The following IQSEC1 variants were observed in gnomAD, a reference collection of about 807,000 sequenced individuals.
IQSEC1 encodes the protein IQ motif and Sec7 domain ArfGEF 1, also known as IQ motif and SEC7 domain-containing protein 1.
IQSEC1 carries 31 observed loss-of-function variants against 91.0 expected under a neutral mutation model. The observed-to-expected ratio is 0.34, with a 90% CI of 0.26 to 0.46. The LOEUF (loss-of-function observed/expected upper bound fraction) is 0.46. Ranked by LOEUF, IQSEC1 falls within the 20% of genes least tolerant of loss-of-function variation. IQSEC1 has a pLI of 1.00. For synonymous variants in IQSEC1, 699 were observed against 662.6 expected (o/e 1.05, Z -0.84); for missense variants, 1,388 against 1,575.6 (o/e 0.88, Z 2.02).
At chr3:13,013,285 T>TC (rs1702974332) in intron 1 of IQSEC1, among the ~76,000 whole-genome samples, 2 of 152,052 alleles carry the variant, frequency 1.3e-5, no homozygotes, top group African/African-American at 4.8e-5. Flanking sequence ...ACTTCAATGC[T>TC]CCCACACGCT....
chr3:13,153,961 A>G (rs1429138142), intron 2 of IQSEC1, among the ~76,000 whole-genome samples: 3 of 151,954 alleles, frequency 2.0e-5, no homozygotes, highest in Non-Finnish European at 4.4e-5. Flanking sequence ...GTGGGAGGGG[A>G]AGGCTGGAGT....
At chr3:13,139,164 A>C (rs984755589) in intron 2 of IQSEC1, among the ~76,000 whole-genome samples, 1 of 152,172 alleles carries the variant, frequency 6.6e-6, no homozygotes, top group Non-Finnish European at 1.5e-5. Context: ...CCATTTTAAC[A>C]ACGAGAAACT....
At position 13,259,197 on chromosome 3, in the gene IQSEC1, G is replaced by A. The variant is rs1166685226; in HGVS notation, c.272+23514C>T. On this transcript the variant is annotated intron_variant, in intron 1 of 15. Coordinates refer to the IQSEC1 transcript ENST00000648114. This position sits in a 1 kb window ranked among gnomAD's most constrained non-coding sequence, Gnocchi z 4.6. The stretch of plus-strand genomic sequence containing the variant: ...ACCTCCACCACCCTCTGCCATGCAG[G>A]CCCTGGGACGGGACAGTTTCCACTG... 1.3e-5 allele frequency among the ~76,000 whole-genome samples: 2 copies of A among 152,184 alleles called. No homozygotes were observed. Among genetic ancestry groups the A allele is most frequent in the Non-Finnish European group, 2.9e-5 (2 of 68,040 alleles).
intron 2 of IQSEC1, among the ~76,000 whole-genome samples, chr3:13,112,403 G>A (rs1209860449): frequency 6.6e-6 from 1 of 152,228 alleles, no homozygotes; most frequent in East Asian, 1.9e-4. Flanking sequence ...CCAACAGTCC[G>A]GAAGAGTCCC....
intron 2 of IQSEC1, among the ~76,000 whole-genome samples, chr3:13,106,208 A>G (rs17832973): frequency 0.021 from 3,163 of 152,220 alleles, 54 homozygotes; most frequent in Middle Eastern, 0.085. Flanking sequence ...AGCTCAACCC[A>G]TGAAACTAGA....
At chr3:13,275,209 C>G (rs567226568) in intron 1 of IQSEC1, among the ~76,000 whole-genome samples, 1 of 152,180 alleles carries the variant, frequency 6.6e-6, no homozygotes, top group Admixed American at 6.5e-5. Flanking sequence ...AGAACGGGCT[C>G]GGTTATTGCT....
At chr3:13,250,397 C>A (rs561248504) in intron 1 of IQSEC1, among the ~76,000 whole-genome samples, 3 of 149,996 alleles carry the variant, frequency 2.0e-5, no homozygotes, top group African/African-American at 7.4e-5. Flanking sequence ...CAACTGTCAG[C>A]GAGTGCTATC....
At chr3:13,081,808 C>T (rs1705651139) in intron 2 of IQSEC1, among the ~76,000 whole-genome samples, 1 of 152,110 alleles carries the variant, frequency 6.6e-6, no homozygotes, top group Admixed American at 6.5e-5. Flanking sequence ...GGTCTTCGCT[C>T]CTCTCTGAGC....
At chr3:13,053,147 A>G in intron 1 of IQSEC1, 4 of 774,786 alleles carry the variant, frequency 5.2e-6, no homozygotes, top group Non-Finnish European at 9.4e-6. Flanking sequence ...TCAAGCACAC[A>G]CCACGATGAT....
chr3:13,147,293 A>AT (rs1381720137), intron 2 of IQSEC1, among the ~76,000 whole-genome samples: 11 of 152,256 alleles, frequency 7.2e-5, no homozygotes, highest in African/African-American at 2.6e-4. Flanking sequence ...TACCTGATAC[A>AT]TATTTTTTTT....
intron 2 of IQSEC1, among the ~76,000 whole-genome samples, chr3:12,937,922 C>T (rs973247044): frequency 2.0e-5 from 3 of 152,172 alleles, no homozygotes; most frequent in African/African-American, 7.2e-5. Flanking sequence ...CAGCTCGTTC[C>T]TGTGAGGGGT....
At chr3:13,184,658 G>A (rs1383803548) in intron 1 of IQSEC1, among the ~76,000 whole-genome samples, 1 of 152,182 alleles carries the variant, frequency 6.6e-6, no homozygotes, top group Non-Finnish European at 1.5e-5. Context: ...AACCAGAACT[G>A]TCTCCATGCA....
intron 2 of IQSEC1, among the ~76,000 whole-genome samples, chr3:13,115,545 C>A (rs1052467833): frequency 1.1e-4 from 17 of 152,234 alleles, no homozygotes; most frequent in African/African-American, 3.9e-4. Flanking sequence ...AGTCTTCCCA[C>A]CTCTTGCCCT....
At chr3:13,255,172 C>G (rs1019463345) in intron 1 of IQSEC1, among the ~76,000 whole-genome samples, 1 of 152,222 alleles carries the variant, frequency 6.6e-6, no homozygotes, top group Non-Finnish European at 1.5e-5. Context: ...ACAGAGAACA[C>G]GCATGGCTGA....
rs371631400 is a variant in IQSEC1, at chr3:12,899,477, G to A, written c.*1506C>T. On this transcript the variant is annotated 3_prime_UTR_variant, in exon 14 of 14. Transcript: ENST00000613206. ...TGGGTGACTCGGGCACAGACCTGCC[G>A]CGTGCAGGTCTGGCCCTGGGGAGCG... The A allele has an allele frequency of 2.7e-4, 439 of 1,597,202 alleles. No individual in the cohort carries two copies. Among genetic ancestry groups the A allele is most frequent in the Non-Finnish European group, 3.5e-4 (413 of 1,172,282 alleles).
intron 1 of IQSEC1, among the ~76,000 whole-genome samples, chr3:13,021,268 C>G (rs961284541): frequency 6.6e-6 from 1 of 152,146 alleles, no homozygotes; most frequent in Non-Finnish European, 1.5e-5. Flanking sequence ...GAGGCCGCAG[C>G]GATCACAGAT....
In IQSEC1 at chr3:13,099,827, G is replaced by T. The variant is rs149816901; in HGVS notation, c.303-52305C>A. On this transcript the variant is annotated intron_variant, in intron 2 of 15. Transcript: ENST00000648114. ...GAAACCACAGCCATCAGTGAAGGGG[G>T]CAGTTGCACCTCAGCACCCCTGGCA... Among the ~76,000 whole-genome samples the T allele has an allele frequency of 2.0e-5, 3 of 151,628 alleles. No homozygotes were observed. The East Asian group carries it at 5.8e-4, about 29-fold the overall frequency.
chr3:13,226,530 T>C (rs971365353), intron 1 of IQSEC1, among the ~76,000 whole-genome samples: 2 of 151,770 alleles, frequency 1.3e-5, no homozygotes, highest in Non-Finnish European at 2.9e-5. Context: ...GGCAGGAGGA[T>C]TGCTTGAGGT....
chr3:13,135,316 C>T (rs1706689119), intron 2 of IQSEC1, among the ~76,000 whole-genome samples: 1 of 152,244 alleles, frequency 6.6e-6, no homozygotes, highest in Non-Finnish European at 1.5e-5. Context: ...CCTCAGGCCA[C>T]ACTGGCCCTA....
Sources: gnomAD v4.1 joint callset for allele counts (sites outside exome capture counted in the v4.1 genomes callset) on GRCh38, gnomAD v4.1.1 for gene constraint, Gnocchi (gnomAD v3.1) non-coding constraint, MANE v1.5 for transcripts, NCBI Gene and HGNC (gene_info 2026-07-23, HGNC 2026-07-21) for gene names.